The following CDCP2 variants were observed in gnomAD, a reference collection of about 807,000 sequenced individuals.
The protein encoded by CDCP2 is CUB domain-containing protein 2.
CDCP2 carries 31 observed loss-of-function variants against 31.0 expected under a neutral mutation model. The observed-to-expected ratio is 1.00, with a 90% CI of 0.75 to 1.35. The LOEUF (loss-of-function observed/expected upper bound fraction) is 1.35. Among genes scored for constraint, CDCP2 ranks in the 40% most tolerant of loss-of-function variants. The pLI, the probability that CDCP2 is intolerant of heterozygous loss-of-function variation, is 0.00. For missense variants in CDCP2, 443 were observed against 482.6 expected, an observed-to-expected ratio of 0.92 and a Z score of 0.77; for synonymous variants, 206 against 207.9, an observed-to-expected ratio of 0.99 and a Z score of 0.08.
At chr1:54,133,045 C>T (rs1012193063) in exon 6 of CDCP2, 3 of 398,990 alleles carry the variant, frequency 7.5e-6, no homozygotes, top group Non-Finnish European at 1.3e-5. Context: ...AAGACGATGT[C>T]ACTGGTATCC....
At chr1:54,139,835 G>A (rs750969872) in exon 4 of CDCP2, 2 of 1,614,146 alleles carry the variant, frequency 1.2e-6, no homozygotes, top group Non-Finnish European at 1.7e-6. Context: ...TGTGGCTTGA[G>A]GTCACGGGTG....
chr1:54,137,381 A>T (rs959028566), intron 4 of CDCP2, among the ~76,000 whole-genome samples: 9 of 152,166 alleles, frequency 5.9e-5, no homozygotes, highest in Non-Finnish European at 7.3e-5. Context: ...AGTAGAGCGA[A>T]TCGGAACTGG....
At chr1:54,139,982 C>T (rs753846277) in exon 4 of CDCP2, 6 of 1,614,158 alleles carry the variant, frequency 3.7e-6, no homozygotes, top group Non-Finnish European at 5.1e-6. Flanking sequence ...GGAAGAACAC[C>T]TTGACCTGGT....
intron 5 of CDCP2, among the ~76,000 whole-genome samples, chr1:54,133,933 A>C (rs182417590): frequency 0.01 from 452 of 43,718 alleles, 2 homozygotes; most frequent in African/African-American, 0.023. Flanking sequence ...CCCATGTTAC[A>C]GAGGAGGAAA....
At chr1:54,144,890 TACAA>T in intron 1 of CDCP2, 77 bp from the exon 2 acceptor site, 2 of 1,139,366 alleles carry the variant, frequency 1.8e-6, no homozygotes, top group Non-Finnish European at 2.5e-6. Flanking sequence ...TGGGCCCAGC[TACAA>T]AGCTGGGTTC....
chr1:54,152,029 G>T (rs1353524695), intron 1 of CDCP2, among the ~76,000 whole-genome samples: 1 of 152,176 alleles, frequency 6.6e-6, no homozygotes, highest in East Asian at 1.9e-4. Flanking sequence ...GGATGCCCAA[G>T]GGATGCAGGA....
At chr1:54,151,619 T>C (rs1439125209) in intron 1 of CDCP2, among the ~76,000 whole-genome samples, 1 of 152,108 alleles carries the variant, frequency 6.6e-6, no homozygotes, top group South Asian at 2.1e-4. Flanking sequence ...CAGGCATGGG[T>C]TGAGATGCTT....
chr1:54,141,406 A>C (rs1449574100), exon 3 of CDCP2: 1 of 1,611,518 alleles, frequency 6.2e-7, no homozygotes, highest in African/African-American at 1.3e-5. Context: ...GACCCCTGAC[A>C]GGCCAGTCAG....
intron 1 of CDCP2, among the ~76,000 whole-genome samples, chr1:54,149,170 G>A (rs1292062249): frequency 6.6e-6 from 1 of 151,504 alleles, no homozygotes; most frequent in Non-Finnish European, 1.5e-5. Context: ...GTTCGAGGCT[G>A]CAGTGAGCTA....
chr1:54,133,240 C>A (rs576734704), exon 6 of CDCP2: 50 of 399,148 alleles, frequency 1.3e-4, no homozygotes, highest in African/African-American at 9.6e-4. Flanking sequence ...TCCCGCCCCG[C>A]GGCTGAGAAG....
intron 5 of CDCP2, among the ~76,000 whole-genome samples, chr1:54,133,915 A>AACAAACAAAC (rs1379879813): frequency 6.7e-6 from 1 of 149,972 alleles, no homozygotes; most frequent in Non-Finnish European, 1.5e-5. Flanking sequence ...CAAACAAACA[A>AACAAACAAAC]AAAAAACCCC....
chr1:54,144,084 G>A (rs574391727), intron 2 of CDCP2: 16 of 175,390 alleles, frequency 9.1e-5, no homozygotes, highest in Non-Finnish European at 1.6e-4. Context: ...TAGAGCATGA[G>A]AGCCTCATTC....
At chr1:54,141,707 A>G (rs1659378794) in intron 2 of CDCP2, 3 of 350,970 alleles carry the variant, frequency 8.5e-6, no homozygotes, top group Non-Finnish European at 1.5e-5. Context: ...GGAGGCAAAG[A>G]CAAGTTCAGT....
intron 2 of CDCP2, chr1:54,143,749 G>C (rs1452800502): frequency 6.6e-6 from 1 of 152,170 alleles, no homozygotes; most frequent in African/African-American, 2.4e-5. Flanking sequence ...TGAGGTCTTT[G>C]GTTCTGGCAT....
exon 2 of CDCP2, chr1:54,144,659 C>T: frequency 6.2e-7 from 1 of 1,614,230 alleles, no homozygotes. Flanking sequence ...TGTCGTGGTA[C>T]TCTAGGTCAA....
intron 5 of CDCP2, among the ~76,000 whole-genome samples, chr1:54,135,751 G>A (rs1659246480): frequency 6.6e-6 from 1 of 152,156 alleles, no homozygotes; most frequent in Non-Finnish European, 1.5e-5. Context: ...CAAAAGGATG[G>A]TGGTTGCCAG....
At chr1:54,146,270 T>C (rs1454332093) in intron 1 of CDCP2, among the ~76,000 whole-genome samples, 9 of 149,078 alleles carry the variant, frequency 6.0e-5, no homozygotes, top group Non-Finnish European at 1.3e-4. Flanking sequence ...ACCTCTGCCT[T>C]CCAGGTTCAA....
At chr1:54,144,569 C>T (rs1270307398) in exon 2 of CDCP2, 1 of 1,613,974 alleles carries the variant, frequency 6.2e-7, no homozygotes, top group East Asian at 2.2e-5. Context: ...GCGGGGGCAC[C>T]TTGCCGCAGA....
intron 1 of CDCP2, 94 bp downstream of exon 1, chr1:54,152,750 T>C (rs1375761454): frequency 1.4e-5 from 17 of 1,184,978 alleles, no homozygotes; most frequent in Non-Finnish European, 2.1e-5. Context: ...ACCTCCTGCT[T>C]TCTGGCTTCC....
Sources: gnomAD v4.1 joint callset for allele counts (sites outside exome capture counted in the v4.1 genomes callset) on GRCh38, gnomAD v4.1.1 for gene constraint, MANE v1.5 for transcripts, NCBI Gene and HGNC (gene_info 2026-07-23, HGNC 2026-07-21) for gene names.